The following TDRD3 variants were observed in gnomAD, a reference collection of about 807,000 sequenced individuals.
TDRD3 encodes the protein tudor domain containing 3, also known as tudor domain-containing protein 3.
In TDRD3, 45 loss-of-function variants were observed where a neutral mutation model predicts 86.7. That is an observed-to-expected ratio of 0.52 (90% CI 0.41 to 0.67). The LOEUF (loss-of-function observed/expected upper bound fraction) is 0.67. Ranked by LOEUF, TDRD3 falls within the 30% of genes least tolerant of loss-of-function variation. TDRD3 has a pLI of 0.00. For missense variants in TDRD3, 814 were observed against 889.0 expected (o/e 0.92, Z 1.07); for synonymous variants, 298 against 301.7 (o/e 0.99, Z 0.13).
intron 12 of TDRD3, among the ~76,000 whole-genome samples, chr13:60,538,912 T>A (rs1957753051): frequency 1.3e-5 from 2 of 152,162 alleles, no homozygotes; most frequent in South Asian, 4.1e-4. Context: ...ATATTGAGAC[T>A]TTTATATCAT....
intron 10 of TDRD3, among the ~76,000 whole-genome samples, chr13:60,524,704 G>A (rs1364554593): frequency 6.6e-6 from 1 of 151,896 alleles, no homozygotes; most frequent in Non-Finnish European, 1.5e-5. Flanking sequence ...AAGAATGATT[G>A]GATGATGAAT....
At chr13:60,545,808 T>C (rs548935709) in intron 12 of TDRD3, among the ~76,000 whole-genome samples, 1 of 152,254 alleles carries the variant, frequency 6.6e-6, no homozygotes, top group South Asian at 2.1e-4. Flanking sequence ...ATCAAGGGGT[T>C]GAGAGTATTG....
At chr13:60,503,944 C>T (rs1254016799) in intron 8 of TDRD3, among the ~76,000 whole-genome samples, 1 of 152,026 alleles carries the variant, frequency 6.6e-6, no homozygotes, top group Admixed American at 6.6e-5. Context: ...CTTTACAAAC[C>T]TTTTATAATG....
At chr13:60,548,521 A>G (rs145425772) in intron 12 of TDRD3, among the ~76,000 whole-genome samples, 27 of 152,258 alleles carry the variant, frequency 1.8e-4, no homozygotes, top group African/African-American at 5.5e-4. Context: ...CATAATAACA[A>G]TTACTCATAT....
chr13:60,421,774 T>A (rs758886086), intron 1 of TDRD3, among the ~76,000 whole-genome samples: 20 of 152,166 alleles, frequency 1.3e-4, no homozygotes, highest in Non-Finnish European at 2.2e-4. Context: ...GCCAATCTTG[T>A]CCCACTTGTG....
intron 13 of TDRD3, 143 bp downstream of exon 13, chr13:60,567,793 G>A (rs1025929242): frequency 1.1e-5 from 12 of 1,089,996 alleles, no homozygotes; most frequent in South Asian, 3.3e-5. Flanking sequence ...GCGTGATCTC[G>A]GCTCACTGTA....
chr13:60,439,708 T>C lies in TDRD3; in HGVS notation c.62T>C (p.Ile21Thr), dbSNP rs762539688. 9.7e-6 allele frequency: 15 copies of C among 1,544,548 alleles called. No homozygotes were observed. Among genetic ancestry groups the C allele is most frequent in the South Asian group, 1.2e-5 (1 of 81,650 alleles). The change falls in exon 2 of 14, where the codon ATT (isoleucine) becomes ACT (threonine). Residue 21 changes from isoleucine to threonine, a missense_variant. Physicochemically the swap from Ile to Thr is moderately conservative, Grantham distance 89 (BLOSUM62 -1). Coordinates refer to ENST00000377881, the MANE Select transcript of TDRD3 (RefSeq NM_001146070.2). ...QAGWYLSDEG[I>T]EACTSSPDKV... ...AACAGGTATCTTTCAGATGAAGGCA[T>C]TGAAGCTTGCACAAGCTCTCCAGAC...
chr13:60,454,463 T>C (rs1955619100), intron 3 of TDRD3, among the ~76,000 whole-genome samples: 1 of 152,214 alleles, frequency 6.6e-6, no homozygotes, highest in Non-Finnish European at 1.5e-5. Context: ...TTTGTTATGA[T>C]TTCATTTTTC....
At chr13:60,571,102 T>A (rs148159738) in intron 13 of TDRD3, among the ~76,000 whole-genome samples, 1 of 151,944 alleles carries the variant, frequency 6.6e-6, no homozygotes, top group African/African-American at 2.4e-5. Flanking sequence ...TAAAAAAAAA[T>A]TGGTGGGGGA....
intron 5 of TDRD3, among the ~76,000 whole-genome samples, chr13:60,469,871 T>G (rs889617567): frequency 6.6e-6 from 1 of 152,226 alleles, no homozygotes. Flanking sequence ...ATGTTTTTAT[T>G]GTGGCAAAGT....
At chr13:60,397,600 A>AGGCGGC (rs1345283491) in intron 1 of TDRD3, among the ~76,000 whole-genome samples, 195 bp downstream of exon 1, 3 of 147,616 alleles carry the variant, frequency 2.0e-5, no homozygotes, top group Non-Finnish European at 3.0e-5. Flanking sequence ...GGTCCCCTGG[A>AGGCGGC]GGCGGCGGCG....
rs36139602 is a variant in TDRD3, at chr13:60,563,232, T to TAAA, written c.2119-4280_2119-4278dup. On this transcript the variant is annotated intron_variant, in intron 12 of 13. Coordinates refer to ENST00000377881, the MANE Select transcript of TDRD3 (RefSeq NM_001146070.2). ...GACAGAGCAAGACTCCATATCAATTTAAAAAAAAAAAAAAAGGCAAGGCGA... is the reference window on the plus strand; with the variant it reads ...GACAGAGCAAGACTCCATATCAATTTAAAAAAAAAAAAAAAAAAGGCAAGGCGA... 7.8e-4 allele frequency among the ~76,000 whole-genome samples: 106 copies of TAAA among 135,040 alleles called. 4 individuals carry two copies. The highest frequency in any genetic ancestry group is 3.8e-3 in the Middle Eastern group (1 of 266). The allele number at this position is 135,040 out of a possible 152,430, so 88.6% of individuals were successfully genotyped here.
chr13:60,464,585 T>TAC (rs1047437745), intron 4 of TDRD3, among the ~76,000 whole-genome samples: 18 of 149,730 alleles, frequency 1.2e-4, no homozygotes, highest in South Asian at 2.1e-4. Flanking sequence ...CACACACACA[T>TAC]ACACACACAC....
At chr13:60,446,190 AT>A (rs1298403641) in intron 3 of TDRD3, among the ~76,000 whole-genome samples, 1 of 152,116 alleles carries the variant, frequency 6.6e-6, no homozygotes, top group Non-Finnish European at 1.5e-5. Context: ...CACAATATTA[AT>A]AAACTAATAG....
At chr13:60,427,503 G>T (rs1954842977) in intron 1 of TDRD3, among the ~76,000 whole-genome samples, 1 of 152,086 alleles carries the variant, frequency 6.6e-6, no homozygotes, top group Admixed American at 6.6e-5. Flanking sequence ...GATGTTTGGA[G>T]TCGGCTTCGC....
intron 5 of TDRD3, among the ~76,000 whole-genome samples, chr13:60,480,060 T>C (rs1305087357): frequency 1.3e-5 from 2 of 152,222 alleles, no homozygotes; most frequent in African/African-American, 4.8e-5. Context: ...GTGGTTGTTA[T>C]GTAGACATGA....
intron 5 of TDRD3, among the ~76,000 whole-genome samples, chr13:60,470,817 A>G (rs1956062767): frequency 6.6e-6 from 1 of 152,066 alleles, no homozygotes; most frequent in African/African-American, 2.4e-5. Flanking sequence ...TCCTGACTTC[A>G]GGTGATCTGC....
At chr13:60,525,133 T>A (rs1595068284) in intron 10 of TDRD3, among the ~76,000 whole-genome samples, 1 of 135,028 alleles carries the variant, frequency 7.4e-6, no homozygotes. Context: ...ACTTTCTACC[T>A]CTGTGAGTTT....
intron 13 of TDRD3, among the ~76,000 whole-genome samples, chr13:60,573,079 TTC>T (rs1958625089): frequency 6.6e-6 from 1 of 151,758 alleles, no homozygotes; most frequent in Non-Finnish European, 1.5e-5. Flanking sequence ...CATACAAGTC[TTC>T]TCTCGCCATT....
Sources: allele counts gnomAD v4.1 joint callset (sites outside exome capture counted in the v4.1 genomes callset), GRCh38; gene constraint gnomAD v4.1.1; transcripts MANE v1.5; gene names NCBI Gene and HGNC (gene_info 2026-07-23, HGNC 2026-07-21).